MRTFA: variants seen among roughly 807,000 people sequenced by gnomAD.
MRTFA encodes myocardin related transcription factor A, also known as myocardin-related transcription factor A.
In MRTFA, 20 loss-of-function variants were observed where a neutral mutation model predicts 83.5. The observed-to-expected ratio is 0.24, with a 90% CI of 0.17 to 0.35. The LOEUF (loss-of-function observed/expected upper bound fraction) is 0.35, where lower values mean the gene tolerates loss of function less well. Ranked by LOEUF, MRTFA falls within the 10% of genes least tolerant of loss-of-function variation. The pLI, the probability that MRTFA is intolerant of heterozygous loss-of-function variation, is 1.00. For missense variants in MRTFA, 1,200 were observed against 1,224.7 expected (o/e 0.98, Z 0.30); for synonymous variants, 659 against 541.2 (o/e 1.22, Z -3.02).
intron 3 of MRTFA, among the ~76,000 whole-genome samples, chr22:40,498,431 A>G (rs1253409107): frequency 6.7e-6 from 1 of 149,856 alleles, no homozygotes; most frequent in African/African-American, 2.5e-5. Flanking sequence ...ACTAAGGTAC[A>G]AGCTACCATG....
intron 3 of MRTFA, chr22:40,526,462 G>A (rs923401024): frequency 5.3e-5 from 8 of 152,162 alleles, no homozygotes; most frequent in African/African-American, 1.7e-4. Flanking sequence ...AGGTGCTCAG[G>A]GACAACAAAC....
At chr22:40,539,905 CTT>C (rs367760561) in intron 3 of MRTFA, among the ~76,000 whole-genome samples, 25 of 127,284 alleles carry the variant, frequency 2.0e-4, no homozygotes, top group African/African-American at 3.5e-4. Context: ...TCACGGTTAT[CTT>C]TTTTTTTTTT....
chr22:40,417,572 G>T, intron 12 of MRTFA, 79 bp from the exon 13 acceptor site: 2 of 353,102 alleles, frequency 5.7e-6, no homozygotes, highest in South Asian at 2.1e-5. Context: ...CGGGGGGCGG[G>T]GATAGGGCCA....
At chr22:40,424,106 G>A in intron 8 of MRTFA, 100 bp downstream of exon 8, 13 of 1,301,346 alleles carry the variant, frequency 1.0e-5, no homozygotes, top group South Asian at 1.7e-5. Flanking sequence ...TGGCTTCCCT[G>A]TGCCAGAGCA....
At chr22:40,507,939 G>A (rs570961414) in intron 3 of MRTFA, among the ~76,000 whole-genome samples, 2 of 140,556 alleles carry the variant, frequency 1.4e-5, no homozygotes, top group South Asian at 4.5e-4. Context: ...CTCCAGCCTG[G>A]GAAACAGAGC....
At chr22:40,523,605 GT>G (rs1419664535) in intron 3 of MRTFA, 3 of 152,162 alleles carry the variant, frequency 2.0e-5, no homozygotes, top group African/African-American at 7.2e-5. Flanking sequence ...CTCCCAAAGT[GT>G]TGGGATTACA....
At chr22:40,630,955 T>C (rs1234134792) in intron 1 of MRTFA, among the ~76,000 whole-genome samples, 2 of 152,124 alleles carry the variant, frequency 1.3e-5, no homozygotes, top group Middle Eastern at 3.4e-3. Flanking sequence ...TTATGGGCCC[T>C]AGCTCTTGTG....
intron 3 of MRTFA, among the ~76,000 whole-genome samples, chr22:40,464,553 G>A (rs1416332317): frequency 6.6e-6 from 1 of 151,636 alleles, no homozygotes. Context: ...AGAGGAGGAG[G>A]GTTAGGAGGA....
intron 2 of MRTFA, chr22:40,586,918 GTGCTGGTGCTGC>G: frequency 2.3e-6 from 1 of 434,796 alleles, no homozygotes; most frequent in South Asian, 1.7e-5. Context: ...GCTGGTGCTG[GTGCTGGTGCTGC>G]TGCTGCTGCT....
At chr22:40,514,803 G>A (rs192253528) in intron 3 of MRTFA, among the ~76,000 whole-genome samples, 19 of 151,864 alleles carry the variant, frequency 1.3e-4, no homozygotes, top group Admixed American at 1.0e-3. Flanking sequence ...ACAAAGGAAC[G>A]GTTTGTACAT....
chr22:40,486,992 G>C (rs562943550), intron 3 of MRTFA, among the ~76,000 whole-genome samples: 2 of 152,242 alleles, frequency 1.3e-5, no homozygotes, highest in African/African-American at 4.8e-5. Flanking sequence ...ACAAACAAAA[G>C]AGAAGGGTAG....
intron 2 of MRTFA, among the ~76,000 whole-genome samples, chr22:40,573,195 C>T (rs1436248073): frequency 6.6e-6 from 1 of 152,090 alleles, no homozygotes; most frequent in Non-Finnish European, 1.5e-5. Flanking sequence ...ACAGTGGTGG[C>T]AGTTGCACAA....
At chr22:40,431,186 G>A (rs149214476) in intron 6 of MRTFA, among the ~76,000 whole-genome samples, 37 of 152,292 alleles carry the variant, frequency 2.4e-4, no homozygotes, top group Admixed American at 1.4e-3. Context: ...CTGGAGAAGA[G>A]GCCAAGCCAA....
intron 3 of MRTFA, among the ~76,000 whole-genome samples, chr22:40,488,674 A>G (rs2054214836): frequency 3.3e-5 from 5 of 152,120 alleles, no homozygotes; most frequent in Admixed American, 3.3e-4. Context: ...TCTACTAAAA[A>G]TACGAAAAAT....
chr22:40,516,422 GAAAAAAA>G (rs56745896), intron 3 of MRTFA, among the ~76,000 whole-genome samples: 11,915 of 46,540 alleles, frequency 0.26, 254 homozygotes, highest in East Asian at 0.39. Context: ...ACTGCCTCAA[GAAAAAAA>G]AAAAAAAAAA....
rs114503962 is a variant in MRTFA at position 40,436,840 on chromosome 22, G to A, written c.308-1286C>T. On this transcript the variant is annotated intron_variant, in intron 4 of 14. Coordinates refer to ENST00000355630, the MANE Select transcript of MRTFA (RefSeq NM_020831.6). The stretch of plus-strand genomic sequence containing the variant: ...TAACTTTTGCTAGGCTGCTGGCTGC[G>A]GTAGGAGTGCAGGGTTAAGGAGCTG... Among the ~76,000 whole-genome samples, 670 of 152,216 alleles carry A rather than the reference G, an allele frequency of 4.4e-3. 9 individuals are homozygous for A. The highest frequency in any genetic ancestry group is 0.015 in the African/African-American group (617 of 41,542).
chr22:40,467,240 T>C (rs1451628765), intron 3 of MRTFA, among the ~76,000 whole-genome samples: 1 of 152,190 alleles, frequency 6.6e-6, no homozygotes, highest in Non-Finnish European at 1.5e-5. Flanking sequence ...TTTTATGCAC[T>C]GCATAACCTT....
chr22:40,550,601 C>G (rs1157620977), intron 3 of MRTFA, among the ~76,000 whole-genome samples: 1 of 152,086 alleles, frequency 6.6e-6, no homozygotes, highest in Non-Finnish European at 1.5e-5. Context: ...AAAATGAATA[C>G]TGAACAACAA....
intron 3 of MRTFA, among the ~76,000 whole-genome samples, chr22:40,514,123 G>A (rs2147246572): frequency 6.6e-6 from 1 of 151,824 alleles, no homozygotes; most frequent in South Asian, 2.1e-4. Context: ...GCCAGACATG[G>A]TGGCATGTAC....
Sources: allele counts gnomAD v4.1 joint callset (sites outside exome capture counted in the v4.1 genomes callset), GRCh38; gene constraint gnomAD v4.1.1; transcripts MANE v1.5; gene names NCBI Gene and HGNC (gene_info 2026-07-23, HGNC 2026-07-21).